The following RBP2 variants were observed in gnomAD, a reference collection of about 807,000 sequenced individuals.
The protein encoded by RBP2 is retinol-binding protein 2.
Under a neutral mutation model 17.0 loss-of-function variants are expected in RBP2, and 17 were observed. The ratio of observed to expected loss-of-function variants is 1.00; its 90% CI spans 0.68 to 1.50. RBP2 has a LOEUF of 1.50. Among genes scored for constraint, RBP2 ranks in the 40% most tolerant of loss-of-function variants. The pLI is 0.00. For missense variants in RBP2, 158 were observed against 168.2 expected (o/e 0.94, Z 0.33); for synonymous variants, 48 against 57.1 (o/e 0.84, Z 0.72).
At chr3:139,469,687 G>GTCTGTCTATCTATCTATCTATCTATCTA (rs1432677359) in intron 1 of RBP2, among the ~76,000 whole-genome samples, 6 of 132,868 alleles carry the variant, frequency 4.5e-5, no homozygotes, top group Admixed American at 7.4e-5. Context: ...CTGTCTGTCT[G>GTCTGTCTATCTATCTATCTATCTATCTA]TCTATCTATC....
At chr3:139,474,230 A>C (rs1005389615) in intron 1 of RBP2, among the ~76,000 whole-genome samples, 1 of 152,222 alleles carries the variant, frequency 6.6e-6, no homozygotes, top group Non-Finnish European at 1.5e-5. Flanking sequence ...CCTTACTCAC[A>C]TTAAAGGTGT....
At chr3:139,454,679 T>C (rs768383927) in intron 3 of RBP2, 50 bp downstream of exon 3, 1 of 1,569,290 alleles carries the variant, frequency 6.4e-7, no homozygotes, top group South Asian at 1.1e-5. Flanking sequence ...GTGACCACAG[T>C]AGCGTGTGTA....
chr3:139,462,163 A>G lies in RBP2; in HGVS notation c.201T>C (p.Val67=). The change falls in exon 2 of 4, where the codon GTT becomes GTC. Residue 67 remains valine, a synonymous_variant. Coordinates refer to ENST00000232217, the MANE Select transcript of RBP2 (RefSeq NM_004164.3). Reference sequence around the variant, plus strand: ...TTGTGTACTCGTCAAACTCTACTCCAACAGTGAAATCCACATCATAGTTGC... The same window carrying G: ...TTGTGTACTCGTCAAACTCTACTCCGACAGTGAAATCCACATCATAGTTGC... ...TFRNYDVDFT[V]GVEFDEYTKS... 6.2e-7 allele frequency: 1 copy of G among 1,614,076 alleles called. No homozygotes were observed. The highest frequency in any genetic ancestry group is 8.5e-7 in the Non-Finnish European group (1 of 1,179,994).
chr3:139,465,362 G>A (rs754238407), intron 1 of RBP2, among the ~76,000 whole-genome samples: 1 of 152,034 alleles, frequency 6.6e-6, no homozygotes, highest in Non-Finnish European at 1.5e-5. Flanking sequence ...GGTGGCTCAG[G>A]GTGTAACCTC....
At chr3:139,470,745 A>AT (rs1472467893) in intron 1 of RBP2, among the ~76,000 whole-genome samples, 2 of 151,770 alleles carry the variant, frequency 1.3e-5, no homozygotes, top group African/African-American at 2.4e-5. Context: ...GGCCCAGCTA[A>AT]TTTTTTTATT....
intron 2 of RBP2, among the ~76,000 whole-genome samples, chr3:139,456,382 T>C (rs1301130199): frequency 6.6e-6 from 1 of 152,244 alleles, no homozygotes; most frequent in East Asian, 1.9e-4. Context: ...ATATACTTTA[T>C]GTACAATTTT....
chr3:139,473,617 G>A (rs1420584185), intron 1 of RBP2, among the ~76,000 whole-genome samples: 1 of 152,224 alleles, frequency 6.6e-6, no homozygotes, highest in Non-Finnish European at 1.5e-5. Context: ...TGACATCTCA[G>A]TGTTGGGAAA....
intron 1 of RBP2, among the ~76,000 whole-genome samples, chr3:139,465,805 A>C (rs1392721887): frequency 6.6e-6 from 1 of 152,210 alleles, no homozygotes; most frequent in Non-Finnish European, 1.5e-5. Flanking sequence ...GAGCTGAAGC[A>C]ATCACACTCC....
At chr3:139,454,892 AC>A (rs1943369383) in intron 2 of RBP2, 62 bp from the exon 3 acceptor site, 1 of 1,495,506 alleles carries the variant, frequency 6.7e-7, no homozygotes, top group African/African-American at 1.4e-5. Context: ...ACAAATCTAA[AC>A]CTGCAGCTGC....
intron 1 of RBP2, among the ~76,000 whole-genome samples, chr3:139,469,799 A>G (rs1933499674): frequency 1.3e-5 from 2 of 151,628 alleles, no homozygotes; most frequent in East Asian, 1.9e-4. Flanking sequence ...GGTCCTGCCT[A>G]TTTACTTTGG....
rs917188031 is a variant in RBP2 at position 139,462,343 on chromosome 3, A to G, written c.74-53T>C. On this transcript the variant is annotated intron_variant, in intron 1 of 3. Coordinates refer to ENST00000232217, the MANE Select transcript of RBP2 (RefSeq NM_004164.3). ...ATGATGTGCTCAGCCAGACTCATTC[A>G]TTTCGTTAACAAGACCAAACATTCA... 4 of 1,568,432 alleles carry G rather than the reference A, an allele frequency of 2.6e-6. No homozygotes were observed. The African/African-American group carries it at 4.1e-5, about 16-fold the overall frequency.
chr3:139,469,732 T>C (rs141789058), intron 1 of RBP2, among the ~76,000 whole-genome samples: 255 of 150,260 alleles, frequency 1.7e-3, no homozygotes, highest in African/African-American at 2.0e-3. Context: ...TATCTATCTA[T>C]CTACCTACTC....
At chr3:139,454,655 A>T (rs1943364285) in intron 3 of RBP2, 74 bp downstream of exon 3, 1 of 1,463,600 alleles carries the variant, frequency 6.8e-7, no homozygotes, top group East Asian at 2.3e-5. Flanking sequence ...TTTCTTGTCA[A>T]AACACCTGGC....
chr3:139,474,548 A>T (rs1451258503), intron 1 of RBP2, among the ~76,000 whole-genome samples: 1 of 152,258 alleles, frequency 6.6e-6, no homozygotes, highest in Non-Finnish European at 1.5e-5. Flanking sequence ...CTTATTCAGC[A>T]TATTGCTGAA....
intron 1 of RBP2, among the ~76,000 whole-genome samples, chr3:139,463,892 T>C (rs533523299): frequency 6.6e-6 from 1 of 152,332 alleles, no homozygotes; most frequent in East Asian, 1.9e-4. Flanking sequence ...AAGATAATAT[T>C]GACCTCAAGA....
intron 1 of RBP2, among the ~76,000 whole-genome samples, chr3:139,471,288 C>T (rs933202972): frequency 6.6e-6 from 1 of 152,196 alleles, no homozygotes; most frequent in African/African-American, 2.4e-5. Flanking sequence ...ATAATTTGTG[C>T]TTGTGCTCAC....
intron 2 of RBP2, among the ~76,000 whole-genome samples, chr3:139,458,269 G>C (rs990453149): frequency 6.6e-6 from 1 of 151,786 alleles, no homozygotes; most frequent in African/African-American, 2.4e-5. Flanking sequence ...CCTCCTTAGC[G>C]CACTTGCCCT....
chr3:139,473,463 G>A (rs1435844326), intron 1 of RBP2, among the ~76,000 whole-genome samples: 2 of 152,202 alleles, frequency 1.3e-5, no homozygotes, highest in Non-Finnish European at 2.9e-5. Context: ...AGTGCTAGGG[G>A]TTAAAGTATT....
intron 1 of RBP2, among the ~76,000 whole-genome samples, chr3:139,464,997 A>G (rs768354525): frequency 6.6e-6 from 1 of 152,224 alleles, no homozygotes; most frequent in Non-Finnish European, 1.5e-5. Context: ...ACTTACTGTT[A>G]AAGTGCCTAC....
Sources: gnomAD v4.1 joint callset for allele counts (sites outside exome capture counted in the v4.1 genomes callset) on GRCh38, gnomAD v4.1.1 for gene constraint, MANE v1.5 for transcripts, NCBI Gene and HGNC (gene_info 2026-07-23, HGNC 2026-07-21) for gene names.